SORBS2: variants seen among roughly 807,000 people sequenced by gnomAD.
SORBS2 encodes sorbin and SH3 domain-containing protein 2.
SORBS2 carries 46 observed loss-of-function variants against 97.7 expected under a neutral mutation model. The observed-to-expected ratio is 0.47, with a 90% CI of 0.37 to 0.60. The LOEUF (loss-of-function observed/expected upper bound fraction) is 0.60. Ranked by LOEUF, SORBS2 falls within the 20% of genes least tolerant of loss-of-function variation. SORBS2 has a pLI of 0.00. For missense variants in SORBS2, 1,316 were observed against 1,282.3 expected, an observed-to-expected ratio of 1.03 and a Z score of -0.40; for synonymous variants, 476 against 473.4, an observed-to-expected ratio of 1.01 and a Z score of -0.07.
intron 7 of SORBS2, among the ~76,000 whole-genome samples, chr4:185,620,887 A>C (rs11936868): frequency 0.084 from 12,835 of 152,304 alleles, 628 homozygotes; most frequent in African/African-American, 0.12. Context: ...ATTGCTTATG[A>C]AATATTGAAT....
In SORBS2 at chr4:185,663,801, A is replaced by T. The variant is rs144659661; in HGVS notation, c.-45-1559T>A. 1.7e-3 allele frequency among the ~76,000 whole-genome samples: 259 copies of T among 152,000 alleles called. 1 individual carries two copies. The highest frequency in any genetic ancestry group is 6.0e-3 in the African/African-American group (249 of 41,426). ...TGAATCCTATTTTGATGGTTTCAAT[A>T]ATATTGACTAGGGGTTAAAAAAGTA... On this transcript the variant is annotated intron_variant, in intron 4 of 20. Coordinates refer to the SORBS2 transcript ENST00000284776.
intron 1 of SORBS2, among the ~76,000 whole-genome samples, chr4:185,932,271 C>A (rs570717077): frequency 2.0e-5 from 3 of 151,522 alleles, no homozygotes; most frequent in South Asian, 2.1e-4. Context: ...AGGATGGATC[C>A]CCTGATATAC....
At chr4:185,639,022 G>T in intron 4 of SORBS2, 2 of 1,516,842 alleles carry the variant, frequency 1.3e-6, no homozygotes, top group South Asian at 2.5e-5. Flanking sequence ...TGTCGGAGTT[G>T]TTGGGAGAGG....
intron 1 of SORBS2, among the ~76,000 whole-genome samples, chr4:185,805,005 C>A (rs1462392295): frequency 6.6e-6 from 1 of 151,758 alleles, no homozygotes; most frequent in African/African-American, 2.4e-5. Context: ...CTTTCTTATT[C>A]TTTTTTATTT....
intron 1 of SORBS2, among the ~76,000 whole-genome samples, chr4:185,776,775 C>T (rs1433028362): frequency 1.3e-5 from 2 of 151,882 alleles, no homozygotes; most frequent in Non-Finnish European, 2.9e-5. Flanking sequence ...TGGCACGCGC[C>T]TGTAGTCCCA....
intron 2 of SORBS2, among the ~76,000 whole-genome samples, chr4:185,759,756 A>G (rs1488444622): frequency 6.6e-6 from 1 of 152,202 alleles, no homozygotes; most frequent in African/African-American, 2.4e-5. Flanking sequence ...TTTAGATAGA[A>G]GTCAATCGTT....
At chr4:185,612,642 C>A (rs1361118255) in intron 11 of SORBS2, among the ~76,000 whole-genome samples, 1 of 151,952 alleles carries the variant, frequency 6.6e-6, no homozygotes, top group East Asian at 1.9e-4. Flanking sequence ...GCGCCCGCCA[C>A]CAGGCCCGGC....
At chr4:185,635,144 T>C (rs1379077103) in intron 4 of SORBS2, among the ~76,000 whole-genome samples, 1 of 152,206 alleles carries the variant, frequency 6.6e-6, no homozygotes, top group Non-Finnish European at 1.5e-5. Flanking sequence ...GTGGTTGGAA[T>C]GATTCTTCAC....
In SORBS2 at chr4:185,935,539, G is replaced by A. The variant is rs186609484; in HGVS notation, c.-338+20657C>T. Among the ~76,000 whole-genome samples the A allele has an allele frequency of 5.3e-5, 8 of 152,250 alleles. No individual in the cohort carries two copies. In the East Asian group the frequency reaches 1.4e-3, roughly 26 times the overall value. ...GCAATATTAAGACATTAGATCATTA[G>A]AACAAACTCCACCAAAAGGCCAACA... On this transcript the variant is annotated intron_variant, in intron 1 of 20. Transcript: ENST00000284776.
intron 1 of SORBS2, among the ~76,000 whole-genome samples, chr4:185,903,153 A>G (rs1051576348): frequency 2.0e-5 from 3 of 152,208 alleles, no homozygotes; most frequent in African/African-American, 7.2e-5. Flanking sequence ...ACACAACTAA[A>G]AGACCTAAAA....
At chr4:185,677,704 A>G (rs2097811041) in intron 4 of SORBS2, 2 of 1,324,882 alleles carry the variant, frequency 1.5e-6, no homozygotes, top group Non-Finnish European at 2.0e-6. Context: ...AGTCCAAGTT[A>G]GTCATGAAAG....
intron 2 of SORBS2, 114 bp from the exon 12 acceptor site, chr4:185,649,770 C>A: frequency 1.7e-6 from 1 of 571,704 alleles, no homozygotes; most frequent in Non-Finnish European, 2.8e-6. Context: ...AAATTATTAT[C>A]AATAAGCATA....
At chr4:185,900,204 A>G (rs1210642271) in intron 1 of SORBS2, among the ~76,000 whole-genome samples, 1 of 150,272 alleles carries the variant, frequency 6.7e-6, no homozygotes, top group East Asian at 1.9e-4. Flanking sequence ...GTTCATAAGT[A>G]AAAAGGCAGT....
In SORBS2 at chr4:185,835,544, C is replaced by T. The variant is rs374901013; in HGVS notation, c.-337-60178G>A. ...TCAACAGAACATTAGAATGTGCTTA[C>T]GTAAGTAAAAATTCCAGTGACAATT... On this transcript the variant is annotated intron_variant, in intron 1 of 20. Coordinates refer to the SORBS2 transcript ENST00000284776. 1.3e-4 allele frequency among the ~76,000 whole-genome samples: 20 copies of T among 151,808 alleles called. No individual in the cohort carries two copies. The South Asian group carries it at 1.9e-3, about 14-fold the overall frequency.
intron 1 of SORBS2, among the ~76,000 whole-genome samples, chr4:185,941,453 C>G (rs932736255): frequency 8.5e-5 from 13 of 152,152 alleles, no homozygotes; most frequent in African/African-American, 2.9e-4. Flanking sequence ...ACTTGTTTAT[C>G]TCTGGATCCT....
intron 4 of SORBS2, chr4:185,677,324 C>T: frequency 6.4e-7 from 1 of 1,552,296 alleles, no homozygotes; most frequent in Non-Finnish European, 8.7e-7. Flanking sequence ...GAGAATCTTG[C>T]CTGTAGTCCT....
At chr4:185,600,941 T>C (rs2096247781) in intron 12 of SORBS2, among the ~76,000 whole-genome samples, 6 of 152,088 alleles carry the variant, frequency 3.9e-5, no homozygotes, top group Non-Finnish European at 8.8e-5. Flanking sequence ...AGATCTTTCA[T>C]ATGACAGTGA....
chr4:185,794,012 T>G (rs1481491671), intron 1 of SORBS2, among the ~76,000 whole-genome samples: 1 of 152,214 alleles, frequency 6.6e-6, no homozygotes, highest in Non-Finnish European at 1.5e-5. Flanking sequence ...GGAGGAGCCC[T>G]GCCTTTGACA....
intron 2 of SORBS2, among the ~76,000 whole-genome samples, chr4:185,697,475 C>G (rs548674273): frequency 1.3e-5 from 2 of 152,180 alleles, no homozygotes; most frequent in Non-Finnish European, 2.9e-5. Flanking sequence ...TTTTCCCCCC[C>G]ACACATTGCC....
Sources: allele counts gnomAD v4.1 joint callset (sites outside exome capture counted in the v4.1 genomes callset), GRCh38; gene constraint gnomAD v4.1.1; transcripts MANE v1.5; gene names NCBI Gene and HGNC (gene_info 2026-07-23, HGNC 2026-07-21).